FDX1: variants seen among roughly 807,000 people sequenced by gnomAD.
The protein encoded by FDX1 is ferredoxin 1.
A neutral mutation model predicts 14.9 loss-of-function variants in FDX1; 9 were observed. The ratio of observed to expected loss-of-function variants is 0.60; its 90% CI spans 0.36 to 1.05. FDX1 has a LOEUF of 1.05. Among genes scored for constraint, FDX1 ranks in the 50% least tolerant of loss-of-function variants. The pLI is 0.01. For synonymous variants in FDX1, 92 were observed against 99.4 expected, an observed-to-expected ratio of 0.93 and a Z score of 0.44; for missense variants, 204 against 237.2, an observed-to-expected ratio of 0.86 and a Z score of 0.92.
At chr11:110,459,639 C>T (rs1218349511) in intron 3 of FDX1, among the ~76,000 whole-genome samples, 2 of 152,188 alleles carry the variant, frequency 1.3e-5, no homozygotes, top group Admixed American at 6.5e-5. Context: ...ATATTTTCAC[C>T]ATCAGGGATA....
upstream of FDX1, chr11:110,429,831 G>A (rs1379059718): frequency 1.4e-5 from 4 of 278,546 alleles, no homozygotes; most frequent in East Asian, 1.9e-4. Flanking sequence ...GGAACCTGGA[G>A]GGTTGGTAAA....
At chr11:110,443,664 G>A (rs957094884) in intron 2 of FDX1, among the ~76,000 whole-genome samples, 1 of 151,870 alleles carries the variant, frequency 6.6e-6, no homozygotes, top group African/African-American at 2.4e-5. Context: ...GGCTGGTTTC[G>A]AACTCCTGAC....
At chr11:110,444,665 CGT>C (rs1491308599) in intron 2 of FDX1, among the ~76,000 whole-genome samples, 44 of 48,890 alleles carry the variant, frequency 9.0e-4, no homozygotes, top group African/African-American at 6.2e-3. Flanking sequence ...TATATATATA[CGT>C]ATATATATAT....
At chr11:110,456,360 T>G (rs533109006) in intron 2 of FDX1, among the ~76,000 whole-genome samples, 106 of 152,282 alleles carry the variant, frequency 7.0e-4, no homozygotes, top group African/African-American at 2.5e-3. Context: ...TCATAGGTAT[T>G]CCTTCACAGC....
At chr11:110,432,301 T>C (rs151332828) in intron 1 of FDX1, among the ~76,000 whole-genome samples, 5 of 152,186 alleles carry the variant, frequency 3.3e-5, no homozygotes, top group African/African-American at 1.2e-4. Flanking sequence ...AAGACAATTC[T>C]ATGAGGTAGG....
chr11:110,430,025 G>T lies in FDX1; in HGVS notation c.-96G>T. 1 of 904,778 alleles carries T rather than the reference G, an allele frequency of 1.1e-6. No individual in the cohort carries two copies. The highest frequency in any genetic ancestry group is 1.4e-6 in the Non-Finnish European group (1 of 700,450). 56.0% of individuals were successfully genotyped at this position (904,778 alleles called of 1,614,324 possible). ...CCGCGCCCCTCGCCGCGGCCCTCGG[G>T]CGTCTGCGCCGCAGCTGCCGCCCCC... On this transcript the variant is annotated 5_prime_UTR_variant, in exon 1 of 4. Transcript: ENST00000260270.
At chr11:110,431,460 C>A (rs922954791) in intron 1 of FDX1, among the ~76,000 whole-genome samples, 1 of 152,134 alleles carries the variant, frequency 6.6e-6, no homozygotes, top group South Asian at 2.1e-4. Context: ...GACTTTCAGT[C>A]ATCTTTTCCC....
At chr11:110,434,314 G>GAAAAGC (rs1187008436) in intron 1 of FDX1, among the ~76,000 whole-genome samples, 1 of 149,172 alleles carries the variant, frequency 6.7e-6, no homozygotes, top group Non-Finnish European at 1.5e-5. Flanking sequence ...TGTAGCACTG[G>GAAAAGC]AAAAGCAATC....
At chr11:110,439,431 A>G (rs982131479) in intron 2 of FDX1, among the ~76,000 whole-genome samples, 1 of 150,858 alleles carries the variant, frequency 6.6e-6, no homozygotes, top group Non-Finnish European at 1.5e-5. Flanking sequence ...CTAGTCTCGA[A>G]CTCCTGACCT....
chr11:110,432,579 G>A (rs1224564717), intron 1 of FDX1, among the ~76,000 whole-genome samples: 5 of 151,858 alleles, frequency 3.3e-5, no homozygotes, highest in Admixed American at 1.3e-4. Context: ...AGCGATTCTC[G>A]TGCCTCAGCC....
At chr11:110,456,197 A>G (rs1340346804) in intron 2 of FDX1, among the ~76,000 whole-genome samples, 4 of 152,208 alleles carry the variant, frequency 2.6e-5, no homozygotes, top group Admixed American at 6.5e-5. Context: ...TAATTTAGCT[A>G]TAGGTTTGAT....
intron 2 of FDX1, among the ~76,000 whole-genome samples, chr11:110,444,076 C>A (rs1371799465): frequency 6.6e-6 from 1 of 152,020 alleles, no homozygotes; most frequent in African/African-American, 2.4e-5. Context: ...TTAGATCCCA[C>A]TTACCAATTT....
Position 110,435,842 on chromosome 11 carries a change from A to T in FDX1, c.194A>T (p.Asp65Val). Residue 65 changes from aspartate to valine, a missense_variant, in exon 2 of 4, where the codon GAT (aspartate) becomes GTT (valine). Physicochemically the swap from Asp to Val is radical, Grantham distance 152 (BLOSUM62 -3). Transcript: ENST00000260270. Reference protein sequence around the residue: ...VSARARSSSEDKITVHFINRD... With the variant: ...VSARARSSSEVKITVHFINRD... The stretch of plus-strand genomic sequence containing the variant: ...ACTGTTTTTTTTTCCAGCTCAGAAG[A>T]TAAAATAACAGTCCACTTTATAAAC... 6.3e-7 allele frequency: 1 copy of T among 1,596,786 alleles called. No homozygotes were observed. Among genetic ancestry groups the T allele is most frequent in the East Asian group, 2.2e-5 (1 of 44,748 alleles).
At chr11:110,457,148 C>G (rs1163001123) in intron 3 of FDX1, 101 bp downstream of exon 3, 3 of 1,013,508 alleles carry the variant, frequency 3.0e-6, no homozygotes, top group Admixed American at 2.4e-5. Context: ...TAATAGTGTT[C>G]TACCAGGTTA....
At chr11:110,440,180 T>C (rs1946396740) in intron 2 of FDX1, among the ~76,000 whole-genome samples, 1 of 152,182 alleles carries the variant, frequency 6.6e-6, no homozygotes, top group African/African-American at 2.4e-5. Context: ...TTTGTTAATC[T>C]AGCTAGTGGT....
chr11:110,455,125 G>C (rs1042535508), intron 2 of FDX1, among the ~76,000 whole-genome samples: 12 of 152,108 alleles, frequency 7.9e-5, no homozygotes, highest in African/African-American at 2.7e-4. Context: ...TTCTGCCTCA[G>C]CCTCCCGAGT....
In FDX1 at chr11:110,444,722, ACG is replaced by A. The variant is rs1491545397; in HGVS notation, c.310+8765_310+8766del. On this transcript the variant is annotated intron_variant, in intron 2 of 3. Transcript: ENST00000260270. The stretch of plus-strand genomic sequence containing the variant: ...TATATATACGTATATATATATATAT[ACG>A]TATATATATATATATATATACACGT... Among the ~76,000 whole-genome samples, 143 of 56,550 alleles carry A rather than the reference ACG, an allele frequency of 2.5e-3. 1 individual carries two copies. The highest frequency in any genetic ancestry group is 6.8e-3 in the African/African-American group (76 of 11,144). 37.1% of individuals were successfully genotyped at this position (56,550 alleles called of 152,430 possible). A position where few individuals can be genotyped will look rare whatever the true frequency, so the allele number is the denominator to read the frequency against.
chr11:110,441,536 G>T (rs778152705), intron 2 of FDX1, among the ~76,000 whole-genome samples: 2 of 152,204 alleles, frequency 1.3e-5, no homozygotes, highest in Non-Finnish European at 2.9e-5. Flanking sequence ...AGAGACTAGC[G>T]CATTTTGCCC....
intron 1 of FDX1, among the ~76,000 whole-genome samples, chr11:110,432,477 C>A (rs1047162978): frequency 6.6e-6 from 1 of 151,962 alleles, no homozygotes; most frequent in Non-Finnish European, 1.5e-5. Context: ...TGGGTTAGTT[C>A]TTTAGTGGTG....
Sources: allele counts gnomAD v4.1 joint callset (sites outside exome capture counted in the v4.1 genomes callset), GRCh38; gene constraint gnomAD v4.1.1; transcripts MANE v1.5; gene names NCBI Gene and HGNC (gene_info 2026-07-23, HGNC 2026-07-21).